PARD3B: variants seen among roughly 807,000 people sequenced by gnomAD.
The protein encoded by PARD3B is partitioning defective 3 homolog B.
A neutral mutation model predicts 130.2 loss-of-function variants in PARD3B; 103 were observed. That is an observed-to-expected ratio of 0.79 (90% CI 0.67 to 0.93). The LOEUF is 0.93. Ranked by LOEUF, PARD3B falls within the 40% of genes least tolerant of loss-of-function variation. PARD3B has a pLI of 0.00. For synonymous variants in PARD3B, 583 were observed against 553.2 expected, an observed-to-expected ratio of 1.05 and a Z score of -0.76; for missense variants, 1,609 against 1,499.2, an observed-to-expected ratio of 1.07 and a Z score of -1.21.
chr2:204,902,908 AATTGCTGGTC>A (rs1304602152), intron 2 of PARD3B, among the ~76,000 whole-genome samples: 1 of 152,180 alleles, frequency 6.6e-6, no homozygotes, highest in Non-Finnish European at 1.5e-5. Context: ...CTGGTCAGTG[AATTGCTGGTC>A]ACTGCCTAAA....
intron 3 of PARD3B, among the ~76,000 whole-genome samples, chr2:205,045,079 T>C (rs1009974509): frequency 6.6e-6 from 1 of 150,898 alleles, no homozygotes; most frequent in African/African-American, 2.4e-5. Flanking sequence ...AAGTTATTCC[T>C]GATATGTTTA....
At chr2:204,792,652 C>A (rs1343528317) in intron 2 of PARD3B, among the ~76,000 whole-genome samples, 2 of 152,160 alleles carry the variant, frequency 1.3e-5, no homozygotes, top group East Asian at 1.9e-4. Flanking sequence ...ACACTACCAC[C>A]AACACCCCCA....
intron 10 of PARD3B, among the ~76,000 whole-genome samples, chr2:205,132,841 A>C (rs2032132812): frequency 6.6e-6 from 1 of 152,150 alleles, no homozygotes; most frequent in South Asian, 2.1e-4. Flanking sequence ...GCAGCTGTTG[A>C]CGCACAGTGA....
intron 2 of PARD3B, among the ~76,000 whole-genome samples, chr2:204,964,416 A>G (rs913821681): frequency 6.6e-6 from 1 of 152,340 alleles, no homozygotes; most frequent in Middle Eastern, 3.4e-3. Flanking sequence ...TGAACAATTT[A>G]GAGTTTTTAT....
intron 11 of PARD3B, among the ~76,000 whole-genome samples, chr2:205,171,285 T>G (rs1451525537): frequency 6.6e-6 from 1 of 152,146 alleles, no homozygotes; most frequent in Non-Finnish European, 1.5e-5. Flanking sequence ...CTGTCAACAT[T>G]TCAAGCATCT....
chr2:205,129,120 A>G (rs964771347), intron 10 of PARD3B, among the ~76,000 whole-genome samples: 3 of 152,252 alleles, frequency 2.0e-5, no homozygotes, highest in Admixed American at 1.3e-4. Flanking sequence ...TCTAGCAAAT[A>G]TCTAGACTCT....
chr2:205,057,368 TG>T (rs1699719809), intron 4 of PARD3B, among the ~76,000 whole-genome samples: 1 of 98,460 alleles, frequency 1.0e-5, no homozygotes, highest in Non-Finnish European at 2.4e-5. Flanking sequence ...CATGTATATG[TG>T]TTATATACAT....
chr2:205,500,134 A>C, intron 21 of PARD3B, 103 bp downstream of exon 21: 1 of 1,331,528 alleles, frequency 7.5e-7, no homozygotes. Flanking sequence ...GATTCTATTT[A>C]GGTTTCTTGG....
chr2:204,755,525 A>G (rs1015400636), intron 2 of PARD3B, among the ~76,000 whole-genome samples: 10 of 152,094 alleles, frequency 6.6e-5, no homozygotes, highest in African/African-American at 2.4e-4. Context: ...TCTTTGTTAA[A>G]TGACATTTTT....
chr2:204,702,776 A>G (rs1437476313), intron 2 of PARD3B, among the ~76,000 whole-genome samples: 3 of 152,050 alleles, frequency 2.0e-5, no homozygotes, highest in Admixed American at 2.0e-4. Context: ...GGGTTTTGCC[A>G]TGTTGGCCAG....
chr2:205,017,564 A>AACC (rs1207966625), intron 3 of PARD3B, among the ~76,000 whole-genome samples: 3 of 152,144 alleles, frequency 2.0e-5, no homozygotes, highest in Non-Finnish European at 4.4e-5. Flanking sequence ...ACTTCTGAGA[A>AACC]CATCTGCCCA....
chr2:205,418,478 A>G (rs2046858591), intron 19 of PARD3B, among the ~76,000 whole-genome samples: 1 of 152,132 alleles, frequency 6.6e-6, no homozygotes, highest in South Asian at 2.1e-4. Context: ...TAACTATGAT[A>G]AATGCTGAAA....
intron 18 of PARD3B, among the ~76,000 whole-genome samples, chr2:205,311,533 C>G (rs767217705): frequency 2.0e-5 from 3 of 152,252 alleles, no homozygotes; most frequent in South Asian, 4.2e-4. Context: ...CAGCCAAGAC[C>G]GTCAAATATT....
intron 15 of PARD3B, among the ~76,000 whole-genome samples, chr2:205,203,839 ATCCAGTCTATCCT>A (rs1435724795): frequency 6.6e-6 from 1 of 152,116 alleles, no homozygotes; most frequent in Non-Finnish European, 1.5e-5. Flanking sequence ...CATTTTCTTA[ATCCAGTCTATCCT>A]TGATGGGCAT....
At chr2:204,674,302 T>C (rs1489353594) in intron 1 of PARD3B, among the ~76,000 whole-genome samples, 1 of 152,212 alleles carries the variant, frequency 6.6e-6, no homozygotes, top group African/African-American at 2.4e-5. Flanking sequence ...TAGGGGATAC[T>C]TGAGGTTAGC....
At chr2:204,947,213 A>G (rs909677223) in intron 2 of PARD3B, among the ~76,000 whole-genome samples, 1 of 152,192 alleles carries the variant, frequency 6.6e-6, no homozygotes, top group African/African-American at 2.4e-5. Flanking sequence ...AGTGATGCCA[A>G]ACAGTTGACT....
intron 11 of PARD3B, among the ~76,000 whole-genome samples, chr2:205,164,848 C>CAT (rs1553629141): frequency 6.6e-6 from 1 of 151,522 alleles, no homozygotes; most frequent in Non-Finnish European, 1.5e-5. Flanking sequence ...CACACACACA[C>CAT]GTAAGACCAG....
intron 1 of PARD3B, among the ~76,000 whole-genome samples, chr2:204,595,683 G>T (rs1041616557): frequency 2.0e-5 from 3 of 152,192 alleles, no homozygotes; most frequent in Non-Finnish European, 2.9e-5. Flanking sequence ...TTGGAGCTGA[G>T]GAAATGAAAA....
At chr2:204,754,770 C>T (rs2040597193) in intron 2 of PARD3B, among the ~76,000 whole-genome samples, 1 of 152,096 alleles carries the variant, frequency 6.6e-6, no homozygotes, top group South Asian at 2.1e-4. Context: ...TGGTTTACCT[C>T]TTCTTGACCA....
Sources: allele counts gnomAD v4.1 joint callset (sites outside exome capture counted in the v4.1 genomes callset), GRCh38; gene constraint gnomAD v4.1.1; transcripts MANE v1.5; gene names NCBI Gene and HGNC (gene_info 2026-07-23, HGNC 2026-07-21).